The following RASIP1 variants were observed in gnomAD, a reference collection of about 807,000 sequenced individuals.
RASIP1 encodes Ras interacting protein 1, also known as ras-interacting protein 1.
RASIP1 carries 20 observed loss-of-function variants against 85.3 expected under a neutral mutation model. The observed-to-expected ratio is 0.23, with a 90% CI of 0.17 to 0.34. The LOEUF (loss-of-function observed/expected upper bound fraction) is 0.34. RASIP1 is among the 10% of genes least tolerant of loss of function. The probability of loss-of-function intolerance (pLI) is 1.00; values close to 1 mark genes in which losing one functional copy is unlikely to be tolerated. For synonymous variants in RASIP1, 617 were observed against 647.1 expected, an observed-to-expected ratio of 0.95 and a Z score of 0.71; for missense variants, 1,170 against 1,390.9, an observed-to-expected ratio of 0.84 and a Z score of 2.53.
intron 5 of RASIP1, 98 bp from the exon 6 acceptor site, chr19:48,727,528 A>T: frequency 7.8e-7 from 1 of 1,288,260 alleles, no homozygotes; most frequent in Non-Finnish European, 1.1e-6. Context: ...TCTCATAGAG[A>T]CTGGTCCTAC....
chr19:48,737,504 C>T, intron 3 of RASIP1: 1 of 985,442 alleles, frequency 1.0e-6, no homozygotes, highest in Non-Finnish European at 1.2e-6. Context: ...CCTTCAGCCC[C>T]TTCCTTTCCC....
At position 48,724,127 on chromosome 19, in the gene RASIP1, G is replaced by C. The variant is rs978409465; in HGVS notation, c.2544+210C>G. Among the ~76,000 whole-genome samples the C allele has an allele frequency of 7.9e-5, 12 of 152,168 alleles. No homozygotes were observed. Among genetic ancestry groups the C allele is most frequent in the Non-Finnish European group, 1.6e-4 (11 of 68,038 alleles). On this transcript the variant is annotated intron_variant, in intron 10 of 11. Transcript: ENST00000222145. This position sits in a 1 kb window ranked among gnomAD's most constrained non-coding sequence, Gnocchi z 4.6. ...CTGGCCTGGAAACTATTTTTAATAA[G>C]TTCCACCAGGATTCAGACACAGCCG...
In RASIP1 at chr19:48,739,913, C is replaced by A. The variant is rs1223278594; in HGVS notation, c.137+233G>T. On this transcript the variant is annotated intron_variant, in intron 2 of 11. Coordinates refer to ENST00000222145, the MANE Select transcript of RASIP1 (RefSeq NM_017805.3). The surrounding 1 kb of genome is among the most constrained non-coding windows in gnomAD (Gnocchi z 9.2). ...GAAGGAAGGTGAATCAATCCCCCTG[C>A]TCCTTCTGTCCCCGTCCCCGTGCCC... 1.3e-5 allele frequency among the ~76,000 whole-genome samples: 2 copies of A among 152,096 alleles called. No homozygotes were observed. The highest frequency in any genetic ancestry group is 4.8e-5 in the African/African-American group (2 of 41,398).
chr19:48,724,825 A>G lies in RASIP1; in HGVS notation c.2263T>C (p.Leu755=). ...AGCTCGCACTGGCTGGTCAGCTCCAAGGCTGCCTGGAACACGCCCAGGGTA... is the reference window on the plus strand; with the variant it reads ...AGCTCGCACTGGCTGGTCAGCTCCAGGGCTGCCTGGAACACGCCCAGGGTA... ...RPTLGVFQAA[L]ELTSQCELHP... Residue 755 remains leucine (L), a synonymous_variant, in exon 9 of 12, where the codon TTG becomes CTG. Coordinates refer to ENST00000222145, the MANE Select transcript of RASIP1 (RefSeq NM_017805.3). The surrounding 1 kb of genome is among the most constrained non-coding windows in gnomAD (Gnocchi z 4.6). The G allele has an allele frequency of 6.2e-7, 1 of 1,614,218 alleles. No homozygotes were observed. Among genetic ancestry groups the G allele is most frequent in the Non-Finnish European group, 8.5e-7 (1 of 1,180,038 alleles).
At position 48,740,408 on chromosome 19, in the gene RASIP1, G is replaced by T. The variant is rs891449027; in HGVS notation, c.-5+113C>A. ...GGGCTCAGACTTGCGAGTCCAGGGG[G>T]AGGAGAGGGATGGTACCCTGGATTC... On this transcript the variant is annotated intron_variant, in intron 1 of 11. Coordinates refer to ENST00000222145, the MANE Select transcript of RASIP1 (RefSeq NM_017805.3). The surrounding 1 kb of genome is among the most constrained non-coding windows in gnomAD (Gnocchi z 5.5). The T allele has an allele frequency of 6.5e-5, 92 of 1,413,404 alleles. No individual in the cohort carries two copies. The highest frequency in any genetic ancestry group is 7.9e-5 in the Non-Finnish European group (85 of 1,072,508). The allele number at this position is 1,413,404 out of a possible 1,614,324, so 87.6% of individuals were successfully genotyped here.
chr19:48,739,222 G>T lies in RASIP1; in HGVS notation c.561C>A (p.Gly187=). 1 of 1,479,580 alleles carries T rather than the reference G, an allele frequency of 6.8e-7. No homozygotes were observed. The highest frequency in any genetic ancestry group is 8.9e-7 in the Non-Finnish European group (1 of 1,122,314). 91.7% of individuals were successfully genotyped at this position (1,479,580 alleles called of 1,614,324 possible). The change falls in exon 3 of 12, where the codon GGC becomes GGA. Residue 187 remains glycine, a synonymous_variant. Coordinates refer to ENST00000222145, the MANE Select transcript of RASIP1 (RefSeq NM_017805.3). The surrounding 1 kb of genome is among the most constrained non-coding windows in gnomAD (Gnocchi z 9.2). ...AEALERYGLA[G]SPGGGPGESS... The stretch of plus-strand genomic sequence containing the variant: ...TCTCGCCGGGGCCACCGCCGGGGCT[G>T]CCTGCTAGGCCGTAGCGCTCTAGCG...
chr19:48,738,885 C>T lies in RASIP1; in HGVS notation c.823+75G>A. 2 of 1,133,198 alleles carry T rather than the reference C, an allele frequency of 1.8e-6. No homozygotes were observed. Among genetic ancestry groups the T allele is most frequent in the East Asian group, 3.9e-5 (1 of 25,342 alleles). The allele number at this position is 1,133,198 out of a possible 1,614,324, so 70.2% of individuals were successfully genotyped here. Reference sequence around the variant, plus strand: ...AGCCAGCCCGCGAGTCCCACAAGCCCCGCCCAGGCCCCGCCCCACGGACCC... The same window carrying T: ...AGCCAGCCCGCGAGTCCCACAAGCCTCGCCCAGGCCCCGCCCCACGGACCC... On this transcript the variant is annotated intron_variant, in intron 3 of 11. Transcript: ENST00000222145. The surrounding 1 kb of genome is among the most constrained non-coding windows in gnomAD (Gnocchi z 4.0).
intron 4 of RASIP1, among the ~76,000 whole-genome samples, 189 bp downstream of exon 4, chr19:48,735,007 T>C (rs1365542156): frequency 2.0e-5 from 3 of 152,186 alleles, no homozygotes; most frequent in African/African-American, 7.2e-5. Flanking sequence ...CCTCCTCCAT[T>C]GGACTCTTTC....
At chr19:48,731,350 A>C (rs937530260) in intron 4 of RASIP1, among the ~76,000 whole-genome samples, 9 of 151,046 alleles carry the variant, frequency 6.0e-5, no homozygotes, top group Admixed American at 5.3e-4. Context: ...CTCACCTATT[A>C]CTCCCACTCC....
rs35799412 is a variant in RASIP1 at position 48,720,918 on chromosome 19, T to G, written c.2772A>C (p.Pro924=). The change falls in exon 12 of 12, where the codon CCA becomes CCC. Residue 924 remains proline, a synonymous_variant. Coordinates refer to ENST00000222145, the MANE Select transcript of RASIP1 (RefSeq NM_017805.3). ...LGSSRLRLTG[P]VTDDALHREL... ...CACGGTGCAAGGCATCGTCCGTCAC[T>G]GGACCAGTGAGGCGCAGGCGCGAGC... The G allele has an allele frequency of 5.0e-6, 8 of 1,613,590 alleles. No homozygotes were observed. The Admixed American group carries it at 1.3e-4, about 27-fold the overall frequency.
In RASIP1 at chr19:48,720,956, G is replaced by A. The variant is rs2033220165; in HGVS notation, c.2734C>T (p.Leu912Phe). Residue 912 changes from leucine to phenylalanine, a missense_variant, in exon 12 of 12, where the codon CTC becomes TTC. Leu to Phe is a conservative substitution (Grantham distance 22). Transcript: ENST00000222145. ...CGCAGGCGCGAGCTCCCCAGGGGGAGGATGAGGGGCGGGTGCGAGGAGAAG... is the reference window on the plus strand; with the variant it reads ...CGCAGGCGCGAGCTCCCCAGGGGGAAGATGAGGGGCGGGTGCGAGGAGAAG... ...ESFSSHPPLILPLGSSRLRLT... is the reference protein window; with the variant it reads ...ESFSSHPPLIFPLGSSRLRLT... 1.9e-6 allele frequency: 3 copies of A among 1,611,912 alleles called. No individual in the cohort carries two copies. The highest frequency in any genetic ancestry group is 2.2e-5 in the East Asian group (1 of 44,844).
Position 48,738,734 on chromosome 19 carries a change from T to A in RASIP1, c.823+226A>T. 2.3e-6 allele frequency: 1 copy of A among 434,672 alleles called. No individual in the cohort carries two copies. Among genetic ancestry groups the A allele is most frequent in the Non-Finnish European group, 3.6e-6 (1 of 280,424 alleles). 26.9% of individuals were successfully genotyped at this position (434,672 alleles called of 1,614,324 possible). A position where few individuals can be genotyped will look rare whatever the true frequency, so the allele number is the denominator to read the frequency against. On this transcript the variant is annotated intron_variant, in intron 3 of 11. Coordinates refer to ENST00000222145, the MANE Select transcript of RASIP1 (RefSeq NM_017805.3). This position sits in a 1 kb window ranked among gnomAD's most constrained non-coding sequence, Gnocchi z 4.0. ...TGGCCCCTGTAAAACTCCTGCTCAA[T>A]CAACAAGCCCCACCCAACTCTCAGG...
chr19:48,727,545 TAG>T, intron 5 of RASIP1, 115 bp from the exon 6 acceptor site: 6 of 1,138,674 alleles, frequency 5.3e-6, no homozygotes, highest in Non-Finnish European at 7.7e-6. Context: ...CTACTTTTCT[TAG>T]AGATGGGGTC....
intron 10 of RASIP1, 38 bp from the exon 11 acceptor site, chr19:48,722,039 CG>C: frequency 7.4e-7 from 1 of 1,359,380 alleles, no homozygotes; most frequent in African/African-American, 1.5e-5. Context: ...ATGGTCATTA[CG>C]GGGCAGTTAA....
chr19:48,726,854 A>T lies in RASIP1; in HGVS notation c.2058T>A (p.Asp686Glu), dbSNP rs1289203484. The change falls in exon 8 of 12, where the codon GAT becomes GAA. Residue 686 changes from aspartate to glutamate, a missense_variant. By Grantham distance (45) the Asp-to-Glu change is conservative (BLOSUM62 2). This residue lies in a region of RASIP1 where 426 missense variants were observed against 576.2 expected (regional missense o/e 0.74). Transcript: ENST00000222145. ...PQLCNDLELC[D>E]EAMALLDEVI... ...CCTCATCCAGGAGGGCCATGGCCTC[A>T]TCACATAATTCCAAGTCATTGCAGA... The T allele has an allele frequency of 6.2e-7, 1 of 1,614,110 alleles. No homozygotes were observed. The highest frequency in any genetic ancestry group is 1.7e-5 in the Admixed American group (1 of 59,980).
chr19:48,736,156 G>A (rs962899241), intron 3 of RASIP1, among the ~76,000 whole-genome samples: 1 of 151,058 alleles, frequency 6.6e-6, no homozygotes. Context: ...TGGCTCACGC[G>A]TGTAATCCCA....
intron 4 of RASIP1, among the ~76,000 whole-genome samples, chr19:48,733,780 T>A (rs1196378177): frequency 7.2e-6 from 1 of 139,634 alleles, no homozygotes; most frequent in Non-Finnish European, 1.5e-5. Context: ...GCAGTCCGGC[T>A]GGGTGACAGA....
Position 48,729,087 on chromosome 19 carries a change from G to C in RASIP1, c.1683C>G (p.Arg561=). The C allele has an allele frequency of 7.3e-7, 1 of 1,376,494 alleles. No homozygotes were observed. Among genetic ancestry groups the C allele is most frequent in the Non-Finnish European group, 9.3e-7 (1 of 1,073,834 alleles). 85.3% of individuals were successfully genotyped at this position (1,376,494 alleles called of 1,614,324 possible). ...EEEALLGEIV[R]AAAAGSGDLP... ...GGTCTCCCGAGCCGGCGGCTGCGGCGCGCACGATCTCGCCCAGCAGCGCCT... is the reference window on the plus strand; with the variant it reads ...GGTCTCCCGAGCCGGCGGCTGCGGCCCGCACGATCTCGCCCAGCAGCGCCT... The change falls in exon 5 of 12, where the codon CGC becomes CGG. Residue 561 remains arginine, a synonymous_variant. Transcript: ENST00000222145.
rs745842985 is a variant in RASIP1, at chr19:48,729,408, C to T, written c.1362G>A (p.Arg454=). ...PEHPAMVRPS[R]GAPVTHNGCL... is the part of the protein sequence containing the mutation. ...ACCCGTTGTGCGTGACTGGGGCGCC[C>T]CGGGACGGGCGCACCATGGCCGGGT... Residue 454 remains arginine, a synonymous_variant, in exon 5 of 12, where the codon CGG becomes CGA. Transcript: ENST00000222145. The T allele has an allele frequency of 2.6e-6, 4 of 1,556,326 alleles. No homozygotes were observed. Among genetic ancestry groups the T allele is most frequent in the African/African-American group, 2.7e-5 (2 of 73,370 alleles).
Sources: gnomAD v4.1 joint callset for allele counts (sites outside exome capture counted in the v4.1 genomes callset) on GRCh38, gnomAD v4.1.1 for gene constraint, gnomAD v4.1.1 regional missense constraint, Gnocchi (gnomAD v3.1) non-coding constraint, MANE v1.5 for transcripts, NCBI Gene and HGNC (gene_info 2026-07-23, HGNC 2026-07-21) for gene names.